The following LYPD6 variants were observed in gnomAD, a reference collection of about 807,000 sequenced individuals.
The protein encoded by LYPD6 is ly6/PLAUR domain-containing protein 6.
In LYPD6, 15 loss-of-function variants were observed where a neutral mutation model predicts 22.7. The ratio of observed to expected loss-of-function variants is 0.66; its 90% confidence interval spans 0.44 to 1.02. The LOEUF is 1.02. LYPD6 is among the 50% of genes least tolerant of loss of function. The pLI is 0.00. For missense variants in LYPD6, 189 were observed against 208.4 expected (o/e 0.91, Z 0.57); for synonymous variants, 72 against 77.5 (o/e 0.93, Z 0.37).
intron 1 of LYPD6, among the ~76,000 whole-genome samples, chr2:149,379,843 C>T (rs1479715650): frequency 6.6e-6 from 1 of 152,212 alleles, no homozygotes; most frequent in East Asian, 1.9e-4. Flanking sequence ...CAAACAGAAT[C>T]CCTACCCTTG....
chr2:149,346,517 G>T lies in LYPD6; in HGVS notation c.-72+15795G>T, dbSNP rs117577732. On this transcript the variant is annotated intron_variant, in intron 1 of 4. Transcript: ENST00000334166. ...ATGCTCAAACATTTTATGGATGGAGGATTTCCATAAAGTCTTCTACATAAC... is the reference window on the plus strand; with the variant it reads ...ATGCTCAAACATTTTATGGATGGAGTATTTCCATAAAGTCTTCTACATAAC... 1.4e-4 allele frequency among the ~76,000 whole-genome samples: 21 copies of T among 152,208 alleles called. No individual in the cohort carries two copies. In the East Asian group the frequency reaches 4.1e-3, roughly 29 times the overall value.
chr2:149,383,384 G>T (rs1022208542), intron 1 of LYPD6, among the ~76,000 whole-genome samples: 1 of 152,036 alleles, frequency 6.6e-6, no homozygotes, highest in African/African-American at 2.4e-5. Flanking sequence ...TTTTTTTGGG[G>T]GGTAGGGTGA....
At chr2:149,372,962 G>T (rs1681842707) in intron 1 of LYPD6, among the ~76,000 whole-genome samples, 2 of 152,190 alleles carry the variant, frequency 1.3e-5, no homozygotes, top group South Asian at 4.1e-4. Context: ...AACCTTTCTG[G>T]AGTTTTAAGA....
intron 1 of LYPD6, among the ~76,000 whole-genome samples, chr2:149,350,010 A>G (rs1005346805): frequency 6.6e-6 from 1 of 152,214 alleles, no homozygotes; most frequent in Non-Finnish European, 1.5e-5. Context: ...TTGCCTGGTG[A>G]TAAATCTAAG....
chr2:149,399,796 A>G (rs1682512351), intron 1 of LYPD6, among the ~76,000 whole-genome samples: 2 of 152,128 alleles, frequency 1.3e-5, no homozygotes, highest in African/African-American at 4.8e-5. Flanking sequence ...CTTGGAGGAC[A>G]GTCTAACACA....
intron 1 of LYPD6, 144 bp from the exon 2 acceptor site, chr2:149,437,494 C>T: frequency 1.6e-6 from 1 of 626,594 alleles, no homozygotes; most frequent in Non-Finnish European, 2.7e-6. Context: ...TCTAAAATTA[C>T]TGTTGATAAA....
intron 1 of LYPD6, among the ~76,000 whole-genome samples, chr2:149,408,705 C>G (rs1682784868): frequency 6.6e-6 from 1 of 152,186 alleles, no homozygotes; most frequent in Non-Finnish European, 1.5e-5. Flanking sequence ...GTTGTGAAGA[C>G]TTCCCAGTGC....
chr2:149,337,006 C>G (rs1378067818), intron 1 of LYPD6, among the ~76,000 whole-genome samples: 4 of 150,530 alleles, frequency 2.7e-5, no homozygotes, highest in Non-Finnish European at 5.9e-5. Context: ...TAAAATAGAA[C>G]TAGGAAATGT....
At chr2:149,454,691 C>T (rs7604004) in intron 3 of LYPD6, among the ~76,000 whole-genome samples, 44,815 of 151,960 alleles carry the variant, frequency 0.29, 8,279 homozygotes, top group African/African-American at 0.53. Context: ...GTACCACTTA[C>T]AATCTCACCA....
At chr2:149,381,001 T>G (rs775948718) in intron 1 of LYPD6, among the ~76,000 whole-genome samples, 2 of 152,098 alleles carry the variant, frequency 1.3e-5, no homozygotes, top group Non-Finnish European at 2.9e-5. Context: ...ATGCTGTAAA[T>G]AAGATGACAA....
intron 2 of LYPD6, among the ~76,000 whole-genome samples, chr2:149,444,136 G>C (rs1683628891): frequency 1.3e-5 from 2 of 152,030 alleles, no homozygotes; most frequent in South Asian, 4.1e-4. Flanking sequence ...ATTTCTTCAT[G>C]TTGCTAAGGC....
chr2:149,464,120 A>C (rs1681148261), intron 3 of LYPD6: 1 of 423,548 alleles, frequency 2.4e-6, no homozygotes, highest in South Asian at 1.8e-5. Flanking sequence ...AATTAAAAAA[A>C]AAAAAAACAG....
chr2:149,345,120 A>T (rs974638769), intron 1 of LYPD6, among the ~76,000 whole-genome samples: 1 of 152,118 alleles, frequency 6.6e-6, no homozygotes, highest in Non-Finnish European at 1.5e-5. Context: ...CATCTCTGAA[A>T]AAAGAATGAA....
chr2:149,404,125 G>A (rs186076710), intron 1 of LYPD6, among the ~76,000 whole-genome samples: 83 of 152,228 alleles, frequency 5.5e-4, no homozygotes, highest in African/African-American at 1.9e-3. Flanking sequence ...ATGCTGTTTT[G>A]GTTACTGTAG....
chr2:149,453,918 C>A (rs1374977139), intron 3 of LYPD6, among the ~76,000 whole-genome samples: 2 of 152,144 alleles, frequency 1.3e-5, no homozygotes, highest in Admixed American at 1.3e-4. Context: ...CAACGCCTTG[C>A]AATTTATTAT....
intron 1 of LYPD6, among the ~76,000 whole-genome samples, chr2:149,431,183 A>G (rs1031323584): frequency 2.6e-5 from 4 of 152,222 alleles, no homozygotes; most frequent in Non-Finnish European, 5.9e-5. Flanking sequence ...AACTGTGAAA[A>G]TGAGAGTGTA....
At chr2:149,437,338 C>G (rs1683455783) in intron 1 of LYPD6, among the ~76,000 whole-genome samples, 1 of 152,108 alleles carries the variant, frequency 6.6e-6, no homozygotes, top group Non-Finnish European at 1.5e-5. Context: ...GCAGCCATCC[C>G]CTGGCCTCCT....
At chr2:149,345,146 C>T (rs923127588) in intron 1 of LYPD6, among the ~76,000 whole-genome samples, 1 of 152,112 alleles carries the variant, frequency 6.6e-6, no homozygotes, top group Non-Finnish European at 1.5e-5. Context: ...AGTAAGGATT[C>T]ACACTGACTA....
intron 1 of LYPD6, among the ~76,000 whole-genome samples, chr2:149,388,096 A>G (rs1157412824): frequency 6.6e-6 from 1 of 152,132 alleles, no homozygotes; most frequent in Non-Finnish European, 1.5e-5. Context: ...GTAAAGTTGA[A>G]ATATTCTATG....
Sources: gnomAD v4.1 joint callset for allele counts (sites outside exome capture counted in the v4.1 genomes callset) on GRCh38, gnomAD v4.1.1 for gene constraint, MANE v1.5 for transcripts, NCBI Gene and HGNC (gene_info 2026-07-23, HGNC 2026-07-21) for gene names.